MYOF: variants seen among roughly 807,000 people sequenced by gnomAD.
MYOF encodes myoferlin.
Under a neutral mutation model 284.2 loss-of-function variants are expected in MYOF, and 244 were observed. That is an observed-to-expected ratio of 0.86 (90% CI 0.77 to 0.95). The LOEUF is 0.95. Among genes scored for constraint, MYOF ranks in the 40% least tolerant of loss-of-function variants. The pLI, the probability that MYOF is intolerant of heterozygous loss-of-function variation, is 0.00. For synonymous variants in MYOF, 904 were observed against 919.7 expected (o/e 0.98, Z 0.31); for missense variants, 2,496 against 2,560.6 (o/e 0.97, Z 0.54).
At chr10:93,323,696 C>T (rs1020862281) in intron 46 of MYOF, 14 of 298,550 alleles carry the variant, frequency 4.7e-5, no homozygotes, top group Admixed American at 1.4e-4. Flanking sequence ...GGCACACGCA[C>T]GTGCACACAC....
Position 93,396,229 on chromosome 10 carries a change from GTAAAAAATAAAAATAAAAAAA to G in MYOF, c.1335-26_1335-6del. On this transcript the variant is annotated splice_polypyrimidine_tract_variant and splice_region_variant and intron_variant, in intron 15 of 53. Transcript: ENST00000359263. ...TCATTTTTAGTAAGACGGTCCCTGT[GTAAAAAATAAAAATAAAAAAA>G]TAAAAAATAAAAGGTTCAGAGCTCC... The G allele has an allele frequency of 6.4e-7, 1 of 1,569,096 alleles. No individual in the cohort carries two copies.
rs191567488 is a variant in MYOF, at chr10:93,479,335, G to A, written c.88+2772C>T. 8.9e-4 allele frequency among the ~76,000 whole-genome samples: 135 copies of A among 152,174 alleles called. 1 individual carries two copies. The highest frequency in any genetic ancestry group is 8.5e-4 in the Admixed American group (13 of 15,290). ...CATACCCTGCCCCACTCCACACTAT[G>A]AAGTGTGTCTGCCTTTGTTCCATGT... On this transcript the variant is annotated intron_variant, in intron 1 of 53. Coordinates refer to ENST00000359263, the MANE Select transcript of MYOF (RefSeq NM_013451.4).
intron 1 of MYOF, among the ~76,000 whole-genome samples, chr10:93,458,159 C>A (rs1417540694): frequency 1.3e-5 from 2 of 151,746 alleles, no homozygotes; most frequent in Non-Finnish European, 2.9e-5. Flanking sequence ...TCAAGACCAG[C>A]GTAGGCAACA....
chr10:93,408,804 T>C lies in MYOF; in HGVS notation c.712A>G (p.Asn238Asp). 1 of 1,614,152 alleles carries C rather than the reference T, an allele frequency of 6.2e-7. No individual in the cohort carries two copies. The highest frequency in any genetic ancestry group is 8.5e-7 in the Non-Finnish European group (1 of 1,180,022). ...CCCTTTACCTCATCAAAAAAAGGGT[T>C]GTTTCCTCTCTTGATTCTTGTTCGG... is the stretch of plus-strand genomic sequence containing the variant. ...THRTRIKRGN[N>D]PFFDELFFYN... is the part of the protein sequence containing the mutation. Residue 238 changes from asparagine to aspartate, a missense_variant, in exon 7 of 54, where the codon AAC becomes GAC. Transcript: ENST00000359263.
chr10:93,455,281 A>AAAAAAC (rs1240921300), intron 2 of MYOF, among the ~76,000 whole-genome samples: 2 of 140,822 alleles, frequency 1.4e-5, no homozygotes, highest in African/African-American at 2.6e-5. Context: ...CTCCATCTCA[A>AAAAAAC]AAAAACAAAA....
intron 46 of MYOF, 25 bp downstream of exon 46, chr10:93,325,801 C>G (rs746138918): frequency 6.2e-7 from 1 of 1,601,964 alleles, no homozygotes; most frequent in Non-Finnish European, 8.5e-7. Context: ...GGATAATGGT[C>G]TTCAAGGGAG....
chr10:93,369,112 T>A (rs796832239), intron 25 of MYOF, among the ~76,000 whole-genome samples: 1 of 60,882 alleles, frequency 1.6e-5, no homozygotes, highest in Non-Finnish European at 5.1e-5. Context: ...TCAGACAGCT[T>A]TTTTTTTTTT....
intron 1 of MYOF, among the ~76,000 whole-genome samples, chr10:93,461,592 A>C (rs1306275461): frequency 6.6e-6 from 1 of 152,086 alleles, no homozygotes; most frequent in Non-Finnish European, 1.5e-5. Context: ...AGACGAGCTC[A>C]CTCCAGTAGA....
chr10:93,417,516 A>T (rs1389974436), intron 5 of MYOF, among the ~76,000 whole-genome samples: 2 of 152,072 alleles, frequency 1.3e-5, no homozygotes, highest in Non-Finnish European at 2.9e-5. Flanking sequence ...TGCCTTTGGC[A>T]TCCCCAACTG....
intron 1 of MYOF, among the ~76,000 whole-genome samples, chr10:93,464,973 T>C (rs1185307469): frequency 2.6e-5 from 4 of 152,190 alleles, no homozygotes; most frequent in South Asian, 2.1e-4. Flanking sequence ...CCATTTTGCC[T>C]AACATTTCAC....
intron 53 of MYOF, 125 bp from the exon 54 acceptor site, chr10:93,307,126 TC>T: frequency 1.2e-6 from 1 of 836,774 alleles, no homozygotes; most frequent in Non-Finnish European, 1.9e-6. Flanking sequence ...TTGGGGAGTG[TC>T]CTGTGCATTG....
At chr10:93,450,851 T>C (rs2056569760) in intron 3 of MYOF, among the ~76,000 whole-genome samples, 1 of 152,148 alleles carries the variant, frequency 6.6e-6, no homozygotes, top group Non-Finnish European at 1.5e-5. Flanking sequence ...ATCACGCTTT[T>C]TTTGGCCCCT....
rs941223609 is a variant in MYOF, at chr10:93,329,647, C to T, written c.4982+17G>A. 3 of 1,613,190 alleles carry T rather than the reference C, an allele frequency of 1.9e-6. No individual in the cohort carries two copies. The highest frequency in any genetic ancestry group is 2.2e-5 in the East Asian group (1 of 44,888). On this transcript the variant is annotated intron_variant, in intron 44 of 53. Transcript: ENST00000359263. Reference sequence around the variant, plus strand: ...CAGAGGCAGCAAAGTGCCTCTTGTACAGTCAAAGCAACTTACACACAGTAC... The same window carrying T: ...CAGAGGCAGCAAAGTGCCTCTTGTATAGTCAAAGCAACTTACACACAGTAC...
chr10:93,443,500 G>A (rs949164117), intron 3 of MYOF, among the ~76,000 whole-genome samples: 2 of 149,654 alleles, frequency 1.3e-5, no homozygotes, highest in Admixed American at 1.3e-4. Flanking sequence ...GTGTGTGTGT[G>A]TCTGTGTTTC....
intron 22 of MYOF, among the ~76,000 whole-genome samples, chr10:93,375,975 C>T (rs1845817899): frequency 6.6e-6 from 1 of 152,188 alleles, no homozygotes; most frequent in Admixed American, 6.5e-5. Context: ...CTCTGATTCA[C>T]AGTGTCCTTA....
chr10:93,392,927 T>C lies in MYOF; in HGVS notation c.1446A>G (p.Ala482=), dbSNP rs780049526. The change falls in exon 17 of 54, where the codon GCA becomes GCG. Residue 482 remains alanine (A), a synonymous_variant. Coordinates refer to ENST00000359263, the MANE Select transcript of MYOF (RefSeq NM_013451.4). ...EDFSSSGTGA[A]SYTVNTGETE... Reference sequence around the variant, plus strand: ...TTACGAAGCATAAACCTGTATATGATGCAGCCCCAGTTCCCGAAGATGAGA... The same window carrying C: ...TTACGAAGCATAAACCTGTATATGACGCAGCCCCAGTTCCCGAAGATGAGA... 3.7e-6 allele frequency: 6 copies of C among 1,612,484 alleles called. No homozygotes were observed. The highest frequency in any genetic ancestry group is 4.2e-6 in the Non-Finnish European group (5 of 1,178,594).
intron 3 of MYOF, among the ~76,000 whole-genome samples, chr10:93,441,659 A>G (rs2056260974): frequency 6.9e-6 from 1 of 145,378 alleles, no homozygotes; most frequent in Non-Finnish European, 1.5e-5. Context: ...TGCCTTCTGC[A>G]TTCAAGCGAT....
At chr10:93,310,492 T>A (rs777283811) in intron 52 of MYOF, 42 bp downstream of exon 52, 7 of 1,588,208 alleles carry the variant, frequency 4.4e-6, no homozygotes, top group Non-Finnish European at 6.0e-6. Context: ...GCTCTCAGCC[T>A]GCAGGTGTTT....
In MYOF at chr10:93,323,282, C is replaced by CG. The variant is rs778483981; in HGVS notation, c.5347dup (p.Arg1783ProfsTer32). 1.9e-6 allele frequency: 3 copies of CG among 1,614,012 alleles called. No individual in the cohort carries two copies. The Admixed American group carries it at 5.0e-5, about 27-fold the overall frequency. ...ATGACTGACTTACTTCTTGGCTTTCCGGGGTGTGATGTTGAAAGGAGGGCC... is the reference window on the plus strand; with the variant it reads ...ATGACTGACTTACTTCTTGGCTTTCCGGGGGTGTGATGTTGAAAGGAGGGCC... On this transcript the variant is annotated frameshift_variant, in exon 47 of 54. Transcript: ENST00000359263. LOFTEE classifies it high-confidence loss of function.
Sources: allele counts gnomAD v4.1 joint callset (sites outside exome capture counted in the v4.1 genomes callset), GRCh38; gene constraint gnomAD v4.1.1; transcripts MANE v1.5; gene names NCBI Gene and HGNC (gene_info 2026-07-23, HGNC 2026-07-21).